The following SLC39A11 variants were observed in gnomAD, a reference collection of about 807,000 sequenced individuals.
The protein encoded by SLC39A11 is zinc transporter ZIP11.
In SLC39A11, 33 loss-of-function variants were observed where a neutral mutation model predicts 36.1. The observed-to-expected ratio is 0.91, with a 90% confidence interval of 0.69 to 1.22. The LOEUF (loss-of-function observed/expected upper bound fraction) is 1.22, where lower values mean the gene tolerates loss of function less well. Ranked by LOEUF, SLC39A11 falls within the 50% of genes most tolerant of loss-of-function variation. The probability of loss-of-function intolerance (pLI) is 0.00; values close to 1 mark genes in which losing one functional copy is unlikely to be tolerated. For missense variants in SLC39A11, 432 were observed against 430.3 expected, an observed-to-expected ratio of 1.00 and a Z score of -0.03; for synonymous variants, 166 against 170.3, an observed-to-expected ratio of 0.97 and a Z score of 0.20.
intron 4 of SLC39A11, among the ~76,000 whole-genome samples, chr17:73,020,071 T>C (rs1568134800): frequency 6.6e-6 from 1 of 152,230 alleles, no homozygotes; most frequent in Non-Finnish European, 1.5e-5. Flanking sequence ...TAGAAAAGTG[T>C]CCATTTCGAG....
intron 3 of SLC39A11, among the ~76,000 whole-genome samples, chr17:73,069,956 C>A (rs2060111632): frequency 6.6e-6 from 1 of 152,316 alleles, no homozygotes; most frequent in African/African-American, 2.4e-5. Flanking sequence ...TGGGAACAAT[C>A]TCTACTCCTA....
intron 7 of SLC39A11, among the ~76,000 whole-genome samples, chr17:72,676,576 A>T (rs1037111868): frequency 6.6e-6 from 1 of 152,176 alleles, no homozygotes; most frequent in Non-Finnish European, 1.5e-5. Context: ...CAGGTGTGAG[A>T]CTGCTGTCCT....
chr17:73,083,006 A>C, intron 3 of SLC39A11, among the ~76,000 whole-genome samples: 1 of 94,148 alleles, frequency 1.1e-5, no homozygotes, highest in African/African-American at 4.4e-5. Context: ...ACAGAGGGAG[A>C]CTCCATTTCA....
intron 7 of SLC39A11, among the ~76,000 whole-genome samples, chr17:72,673,782 T>C (rs2144204473): frequency 6.6e-6 from 1 of 152,224 alleles, no homozygotes; most frequent in Non-Finnish European, 1.5e-5. Context: ...AAGGGAAACT[T>C]GGCCGGGCAC....
intron 7 of SLC39A11, among the ~76,000 whole-genome samples, chr17:72,728,005 G>T (rs567672548): frequency 5.3e-4 from 80 of 152,330 alleles, no homozygotes; most frequent in African/African-American, 1.9e-3. Context: ...AATGCCACAG[G>T]CGACGTTTAT....
intron 3 of SLC39A11, among the ~76,000 whole-genome samples, chr17:73,063,046 G>C (rs934528605): frequency 8.6e-5 from 13 of 151,850 alleles, no homozygotes; most frequent in Admixed American, 8.5e-4. Flanking sequence ...GCTGGGGGTT[G>C]GGGGCCCCTG....
intron 6 of SLC39A11, 141 bp from the exon 7 acceptor site, chr17:72,736,860 G>A (rs369937680): frequency 1.5e-5 from 11 of 715,136 alleles, no homozygotes; most frequent in African/African-American, 3.5e-5. Flanking sequence ...TAAACCCAGG[G>A]AAACTAAGTC....
At chr17:72,935,555 A>T (rs559116148) in intron 5 of SLC39A11, among the ~76,000 whole-genome samples, 3 of 152,178 alleles carry the variant, frequency 2.0e-5, no homozygotes, top group Non-Finnish European at 1.5e-5. Flanking sequence ...ATAAATTTTT[A>T]AAAATATTCA....
At chr17:72,918,457 G>A (rs752911666) in intron 5 of SLC39A11, among the ~76,000 whole-genome samples, 1 of 152,130 alleles carries the variant, frequency 6.6e-6, no homozygotes, top group African/African-American at 2.4e-5. Context: ...TGATTTCCAA[G>A]GTCCACTTAA....
At chr17:72,776,611 A>G (rs79880340) in intron 6 of SLC39A11, among the ~76,000 whole-genome samples, 3 of 17,796 alleles carry the variant, frequency 1.7e-4, no homozygotes, top group East Asian at 9.1e-4. Context: ...CTTTGCATGG[A>G]AAAAAAAAAA....
chr17:72,666,442 G>A lies in SLC39A11; in HGVS notation c.672-17174C>T, dbSNP rs145084863. 6.9e-4 allele frequency among the ~76,000 whole-genome samples: 105 copies of A among 152,336 alleles called. 1 individual carries two copies. The highest frequency in any genetic ancestry group is 2.4e-3 in the African/African-American group (101 of 41,572). ...TTTTCTACCCGCAAAACAATCTTCTGGGCACAATCTTAGGAGCTGAATGCT... is the reference window on the plus strand; with the variant it reads ...TTTTCTACCCGCAAAACAATCTTCTAGGCACAATCTTAGGAGCTGAATGCT... On this transcript the variant is annotated intron_variant, in intron 7 of 9. Transcript: ENST00000255559.
At chr17:72,795,527 G>A (rs368452083) in intron 6 of SLC39A11, among the ~76,000 whole-genome samples, 6 of 152,076 alleles carry the variant, frequency 3.9e-5, no homozygotes, top group East Asian at 1.9e-4. Flanking sequence ...CTCTAAGGTC[G>A]CACACCATCA....
intron 5 of SLC39A11, among the ~76,000 whole-genome samples, chr17:72,915,114 C>A (rs944871684): frequency 1.3e-5 from 2 of 152,144 alleles, no homozygotes; most frequent in Non-Finnish European, 2.9e-5. Context: ...GTCATACCCA[C>A]CCCACGTATT....
At chr17:73,026,187 G>GAGAAGAGAAGAGA (rs1555683082) in intron 4 of SLC39A11, among the ~76,000 whole-genome samples, 48 of 3,584 alleles carry the variant, frequency 0.013, no homozygotes, top group African/African-American at 0.02. Context: ...AGAAAGAGAA[G>GAGAAGAGAAGAGA]AGAGAAGAGA....
chr17:72,719,353 T>C (rs1224245052), intron 7 of SLC39A11, among the ~76,000 whole-genome samples: 1 of 152,202 alleles, frequency 6.6e-6, no homozygotes, highest in Non-Finnish European at 1.5e-5. Flanking sequence ...CAGCGAGGAC[T>C]GAGCAATGCA....
chr17:72,658,065 A>G (rs2070224510), intron 7 of SLC39A11, among the ~76,000 whole-genome samples: 1 of 152,224 alleles, frequency 6.6e-6, no homozygotes, highest in South Asian at 2.1e-4. Context: ...TTTCTTGGGT[A>G]GGGACATAAA....
chr17:72,832,483 A>G (rs1240049608), intron 6 of SLC39A11, among the ~76,000 whole-genome samples: 1 of 152,210 alleles, frequency 6.6e-6, no homozygotes, highest in South Asian at 2.1e-4. Context: ...AAAGTAATAC[A>G]TTTTGTTTAA....
chr17:73,056,915 C>T (rs1461791659), intron 3 of SLC39A11, among the ~76,000 whole-genome samples: 1 of 152,094 alleles, frequency 6.6e-6, no homozygotes, highest in African/African-American at 2.4e-5. Flanking sequence ...TTGTGAGGCA[C>T]ATTAGAAAAG....
At chr17:72,922,980 A>AAAC (rs2083776557) in intron 5 of SLC39A11, among the ~76,000 whole-genome samples, 2 of 137,056 alleles carry the variant, frequency 1.5e-5, no homozygotes, top group African/African-American at 2.8e-5. Flanking sequence ...AAAAAAAAAA[A>AAAC]AAAAAAAAAA....
Sources: allele counts gnomAD v4.1 joint callset (sites outside exome capture counted in the v4.1 genomes callset), GRCh38; gene constraint gnomAD v4.1.1; transcripts MANE v1.5; gene names NCBI Gene and HGNC (gene_info 2026-07-23, HGNC 2026-07-21).